Variants in FAT3 observed in about 807,000 individuals in gnomAD.
FAT3 encodes FAT atypical cadherin 3.
A neutral mutation model predicts 310.2 loss-of-function variants in FAT3; 95 were observed. That is an observed-to-expected ratio of 0.31 (90% CI 0.26 to 0.36). The LOEUF (loss-of-function observed/expected upper bound fraction) is 0.36. FAT3 is among the 10% of genes least tolerant of loss of function. The probability of loss-of-function intolerance (pLI) is 1.00; values close to 1 mark genes in which losing one functional copy is unlikely to be tolerated. For missense variants in FAT3, 5,408 were observed against 5,715.6 expected (o/e 0.95, Z 1.74); for synonymous variants, 2,314 against 2,192.9 (o/e 1.06, Z -1.54).
At chr11:92,237,144 G>A (rs1864461911) in intron 1 of FAT3, among the ~76,000 whole-genome samples, 1 of 152,078 alleles carries the variant, frequency 6.6e-6, no homozygotes, top group Non-Finnish European at 1.5e-5. Flanking sequence ...GATTAGAGTT[G>A]GATTTTGTTA....
At chr11:92,471,914 GCTATATATATAT>G (rs1304723222) in intron 2 of FAT3, among the ~76,000 whole-genome samples, 1,960 of 62,910 alleles carry the variant, frequency 0.031, 50 homozygotes, top group African/African-American at 0.09. Context: ...CTTTTCATAT[GCTATATATATAT>G]ATATATATAT....
At chr11:92,494,052 A>G (rs916530176) in intron 2 of FAT3, among the ~76,000 whole-genome samples, 17 of 151,372 alleles carry the variant, frequency 1.1e-4, no homozygotes, top group South Asian at 2.1e-4. Context: ...TTTTTTGGTA[A>G]AAATGTGATG....
In FAT3 at chr11:92,831,862, A is replaced by G. The variant is rs376960076; in HGVS notation, c.9722A>G (p.Tyr3241Cys). 4.3e-5 allele frequency: 70 copies of G among 1,613,544 alleles called. No individual in the cohort carries two copies. Among genetic ancestry groups the G allele is most frequent in the Non-Finnish European group, 5.6e-5 (66 of 1,179,800 alleles). The change falls in exon 14 of 28, where the codon TAC becomes TGC. Residue 3241 changes from tyrosine (Y) to cysteine (C), a missense_variant. Transcript: ENST00000525166. ...DNPPVFERRD[Y>C]LVTVPEDTSP... ...CCCCCTGTGTTTGAGAGGAGGGACT[A>G]CCTGGTGACGGTGCCTGAGGACACC...
At chr11:92,500,799 C>T (rs1443280273) in intron 2 of FAT3, among the ~76,000 whole-genome samples, 1 of 151,930 alleles carries the variant, frequency 6.6e-6, no homozygotes, top group Non-Finnish European at 1.5e-5. Context: ...CTTGAGGTGC[C>T]TAGGGCTGCT....
chr11:92,746,340 G>A (rs1395083028), intron 4 of FAT3, among the ~76,000 whole-genome samples: 2 of 152,144 alleles, frequency 1.3e-5, no homozygotes, highest in African/African-American at 4.8e-5. Flanking sequence ...GGCTTGTGCA[G>A]GGGAACTCTC....
In FAT3 at chr11:92,225,164, C is replaced by A. The variant is rs1314819688; in HGVS notation, c.-28C>A. 1.3e-5 allele frequency among the ~76,000 whole-genome samples: 2 copies of A among 152,162 alleles called. No individual in the cohort carries two copies. Among genetic ancestry groups the A allele is most frequent in the Non-Finnish European group, 2.9e-5 (2 of 68,018 alleles). On this transcript the variant is annotated 5_prime_UTR_variant, in exon 1 of 28. Coordinates refer to ENST00000525166, the MANE Select transcript of FAT3 (RefSeq NM_001367949.2). Reference sequence around the variant, plus strand: ...GCCTCGTAGAGCCGTGGATCGCCAGCGGAGGCAAGGGTGCGTGGGGATTTG... The same window carrying A: ...GCCTCGTAGAGCCGTGGATCGCCAGAGGAGGCAAGGGTGCGTGGGGATTTG...
rs117883911 is a variant in FAT3, at chr11:92,774,153, C to T, written c.4308C>T (p.Thr1436=). 6.7e-4 allele frequency: 1,086 copies of T among 1,611,526 alleles called. 13 individuals are homozygous for T. In the East Asian group the frequency reaches 0.019, roughly 28 times the overall value. The stretch of plus-strand genomic sequence containing the variant: ...TCTATAATATGAGTGTGGAAGTCAC[C>T]GATGGGACAAATGTTGCTGTTACTC... The part of the protein sequence containing the change: ...RSIYNMSVEV[T]DGTNVAVTQV... The change falls in exon 7 of 28, where the codon ACC becomes ACT. Residue 1436 remains threonine (T), a synonymous_variant. Transcript: ENST00000525166.
chr11:92,661,786 A>T (rs1215384387), intron 3 of FAT3, among the ~76,000 whole-genome samples: 1 of 152,150 alleles, frequency 6.6e-6, no homozygotes, highest in Non-Finnish European at 1.5e-5. Flanking sequence ...TCAATAAATC[A>T]GCATCTAATT....
chr11:92,317,382 T>C (rs1438991495), intron 1 of FAT3, among the ~76,000 whole-genome samples: 1 of 152,210 alleles, frequency 6.6e-6, no homozygotes, highest in African/African-American at 2.4e-5. Context: ...TTTGGTTGTT[T>C]TCACTTCATT....
In FAT3 at chr11:92,826,786, C is replaced by G. The variant is rs1469544699; in HGVS notation, c.9482-4836C>G. Among the ~76,000 whole-genome samples the G allele has an allele frequency of 7.9e-5, 12 of 152,086 alleles. 1 individual carries two copies. The highest frequency in any genetic ancestry group is 7.9e-4 in the Admixed American group (12 of 15,272). On this transcript the variant is annotated intron_variant, in intron 13 of 27. Coordinates refer to ENST00000525166, the MANE Select transcript of FAT3 (RefSeq NM_001367949.2). The stretch of plus-strand genomic sequence containing the variant: ...AGTGCAACCCACATTTTTTGTGTGC[C>G]ACCTGCAGGCTAGATCCCGTGCAGG...
At chr11:92,773,809 T>C (rs933994605) in intron 6 of FAT3, among the ~76,000 whole-genome samples, 3 of 152,216 alleles carry the variant, frequency 2.0e-5, no homozygotes, top group African/African-American at 4.8e-5. Flanking sequence ...CTGAGGTTTT[T>C]CTTTGCACTA....
chr11:92,376,763 T>C (rs1280710249), intron 2 of FAT3, among the ~76,000 whole-genome samples: 1 of 152,180 alleles, frequency 6.6e-6, no homozygotes, highest in African/African-American at 2.4e-5. Flanking sequence ...TTATTTTCTG[T>C]CTTCTTAGTG....
chr11:92,720,768 CTTG>C (rs1344757442), intron 4 of FAT3, among the ~76,000 whole-genome samples: 1 of 152,100 alleles, frequency 6.6e-6, no homozygotes, highest in Non-Finnish European at 1.5e-5. Flanking sequence ...TCTAAATTTG[CTTG>C]TTTTCATTTT....
At chr11:92,373,813 G>A (rs1327614809) in intron 2 of FAT3, among the ~76,000 whole-genome samples, 1 of 145,242 alleles carries the variant, frequency 6.9e-6, no homozygotes, top group Non-Finnish European at 1.5e-5. Context: ...CACACACAGA[G>A]ACATAGATAG....
intron 2 of FAT3, among the ~76,000 whole-genome samples, chr11:92,406,090 T>G (rs185856918): frequency 6.6e-6 from 1 of 152,346 alleles, no homozygotes; most frequent in Admixed American, 6.5e-5. Context: ...GTACGTGTGC[T>G]TGATTGATAC....
At chr11:92,282,511 C>T (rs932641224) in intron 1 of FAT3, among the ~76,000 whole-genome samples, 3 of 151,890 alleles carry the variant, frequency 2.0e-5, no homozygotes, top group Admixed American at 6.6e-5. Flanking sequence ...CTAAAAAGTA[C>T]AAAATCAGCT....
intron 2 of FAT3, among the ~76,000 whole-genome samples, chr11:92,360,395 A>G (rs1441417644): frequency 6.6e-6 from 1 of 152,244 alleles, no homozygotes; most frequent in Admixed American, 6.5e-5. Context: ...GGGCCTCCCC[A>G]ACTATAGTGG....
chr11:92,476,138 T>C (rs1591340641), intron 2 of FAT3, among the ~76,000 whole-genome samples: 1 of 151,670 alleles, frequency 6.6e-6, no homozygotes, highest in South Asian at 2.1e-4. Context: ...CAGGGCTGGG[T>C]GGGTGGACAG....
intron 20 of FAT3, among the ~76,000 whole-genome samples, chr11:92,858,122 G>T (rs76136325): frequency 0.015 from 2,313 of 152,320 alleles, 23 homozygotes; most frequent in Middle Eastern, 0.034. Context: ...CCTAGTATGT[G>T]CAAGGAACTT....
Sources: gnomAD v4.1 joint callset for allele counts (sites outside exome capture counted in the v4.1 genomes callset) on GRCh38, gnomAD v4.1.1 for gene constraint, MANE v1.5 for transcripts, NCBI Gene and HGNC (gene_info 2026-07-23, HGNC 2026-07-21) for gene names.